Variants in ACACA observed in about 807,000 individuals in gnomAD.
The protein encoded by ACACA is acetyl-CoA carboxylase 1.
ACACA carries 103 observed loss-of-function variants against 296.1 expected under a neutral mutation model. The observed-to-expected ratio is 0.35, with a 90% confidence interval of 0.30 to 0.41. ACACA has a LOEUF of 0.41. ACACA is among the 10% of genes least tolerant of loss of function. ACACA has a pLI of 1.00. For synonymous variants in ACACA, 953 were observed against 1,038.6 expected (o/e 0.92, Z 1.58); for missense variants, 1,554 against 2,989.7 (o/e 0.52, Z 11.20).
intron 52 of ACACA, among the ~76,000 whole-genome samples, chr17:37,102,751 G>A (rs1272864284): frequency 2.0e-5 from 3 of 152,252 alleles, no homozygotes; most frequent in Admixed American, 1.3e-4. Flanking sequence ...CTTTGGCTTC[G>A]CCAAGTTGGA....
At chr17:37,245,278 A>G (rs2145991549) in intron 19 of ACACA, 64 bp from the exon 20 acceptor site, 1 of 1,579,004 alleles carries the variant, frequency 6.3e-7, no homozygotes, top group African/African-American at 1.3e-5. Flanking sequence ...GCTTAAAAGA[A>G]CTAAAATTTT....
intron 27 of ACACA, among the ~76,000 whole-genome samples, chr17:37,224,442 C>T (rs1481574950): frequency 6.6e-6 from 1 of 152,084 alleles, no homozygotes; most frequent in Non-Finnish European, 1.5e-5. Context: ...GAGAAGATAA[C>T]ATTTAAAAAA....
intron 50 of ACACA, among the ~76,000 whole-genome samples, chr17:37,118,081 G>A (rs1017971040): frequency 3.9e-5 from 6 of 152,134 alleles, no homozygotes; most frequent in African/African-American, 1.4e-4. Context: ...ACCCTGACCT[G>A]TATGTAAATA....
At chr17:37,119,640 AC>A (rs2074426865) in intron 50 of ACACA, among the ~76,000 whole-genome samples, 47 of 135,954 alleles carry the variant, frequency 3.5e-4, no homozygotes, top group African/African-American at 1.2e-3. Flanking sequence ...ACACACACAC[AC>A]AATCAACCTA....
chr17:37,132,570 A>G (rs965366866), intron 45 of ACACA, among the ~76,000 whole-genome samples: 4 of 152,192 alleles, frequency 2.6e-5, no homozygotes, highest in Non-Finnish European at 5.9e-5. Context: ...ATACAAAAGG[A>G]GACACTGTGC....
At chr17:37,090,576 G>A (rs780330034) in intron 54 of ACACA, among the ~76,000 whole-genome samples, 3 of 152,120 alleles carry the variant, frequency 2.0e-5, no homozygotes, top group Non-Finnish European at 4.4e-5. Context: ...CCTGGGTTAG[G>A]ACTCCCAGCA....
At chr17:37,378,896 T>C (rs918047492) in intron 1 of ACACA, among the ~76,000 whole-genome samples, 1 of 151,898 alleles carries the variant, frequency 6.6e-6, no homozygotes, top group African/African-American at 2.4e-5. Context: ...ACCCTGTCTT[T>C]TAAAAAATTA....
chr17:37,299,663 A>G (rs2083525080), intron 3 of ACACA: 1 of 1,088,730 alleles, frequency 9.2e-7, no homozygotes, highest in Non-Finnish European at 1.1e-6. Context: ...TTAACTAGAA[A>G]GTAGATCTTA....
At chr17:37,091,281 G>A (rs1041713445) in intron 54 of ACACA, among the ~76,000 whole-genome samples, 11 of 152,140 alleles carry the variant, frequency 7.2e-5, no homozygotes, top group Admixed American at 7.2e-4. Flanking sequence ...TTAGGGCAAC[G>A]CATTCCAAGT....
chr17:37,209,679 G>A (rs2078662116), intron 30 of ACACA, among the ~76,000 whole-genome samples: 1 of 152,154 alleles, frequency 6.6e-6, no homozygotes, highest in Non-Finnish European at 1.5e-5. Context: ...CAAAATAAAT[G>A]TAAATCTATA....
rs987022083 is a variant in ACACA at position 37,316,333 on chromosome 17, A to ACACACACACC, written c.338+13839_338+13840insGGTGTGTGTG. ...CACACACACACACACACACACACAC[A>ACACACACACC]CCCCTAACTTTGCTAGCCTTTTTTC... On this transcript the variant is annotated intron_variant, in intron 3 of 55. Coordinates refer to ENST00000616317, the MANE Select transcript of ACACA (RefSeq NM_198834.3). Among the ~76,000 whole-genome samples the ACACACACACC allele has an allele frequency of 1.6e-3, 237 of 149,658 alleles. 1 individual carries two copies. The highest frequency in any genetic ancestry group is 5.3e-3 in the African/African-American group (214 of 40,400).
At chr17:37,203,746 AAAAAC>A (rs199961336) in intron 33 of ACACA, among the ~76,000 whole-genome samples, 2 of 152,070 alleles carry the variant, frequency 1.3e-5, no homozygotes, top group South Asian at 2.1e-4. Flanking sequence ...TCCATCTCAA[AAAAAC>A]AAAACAAAAC....
intron 1 of ACACA, among the ~76,000 whole-genome samples, chr17:37,372,314 G>A (rs2049837015): frequency 6.6e-6 from 1 of 151,606 alleles, no homozygotes; most frequent in African/African-American, 2.4e-5. Context: ...TTGGGAGGCT[G>A]AGGCAGGAGA....
intron 35 of ACACA, among the ~76,000 whole-genome samples, chr17:37,196,118 T>C (rs750415029): frequency 3.9e-5 from 6 of 152,126 alleles, no homozygotes; most frequent in East Asian, 1.9e-4. Context: ...ATGATACTAA[T>C]AATCGTGTTA....
chr17:37,377,229 G>C (rs2050039590), intron 1 of ACACA, among the ~76,000 whole-genome samples: 2 of 152,130 alleles, frequency 1.3e-5, no homozygotes, highest in African/African-American at 4.8e-5. Flanking sequence ...TTAAGGAAAT[G>C]GGTTGGTTAG....
chr17:37,292,022 G>A (rs944060166), intron 3 of ACACA, among the ~76,000 whole-genome samples: 2 of 151,436 alleles, frequency 1.3e-5, no homozygotes, highest in Non-Finnish European at 2.9e-5. Flanking sequence ...TAGTATGAAT[G>A]TCATATATTC....
intron 1 of ACACA, chr17:37,359,182 C>T (rs938719345): frequency 1.2e-5 from 12 of 971,356 alleles, no homozygotes; most frequent in African/African-American, 5.3e-5. Context: ...CCCCTGTCTC[C>T]CACCTCAGCC....
chr17:37,376,307 C>A (rs1244446203), intron 1 of ACACA, among the ~76,000 whole-genome samples: 1 of 152,214 alleles, frequency 6.6e-6, no homozygotes, highest in Non-Finnish European at 1.5e-5. Flanking sequence ...AGAAGGACTG[C>A]AACTTATTCA....
intron 24 of ACACA, among the ~76,000 whole-genome samples, chr17:37,236,258 A>C (rs2080106371): frequency 6.6e-6 from 1 of 152,216 alleles, no homozygotes; most frequent in Non-Finnish European, 1.5e-5. Context: ...AATGGACTAC[A>C]ATATCGAGAG....
Sources: allele counts gnomAD v4.1 joint callset (sites outside exome capture counted in the v4.1 genomes callset), GRCh38; gene constraint gnomAD v4.1.1; transcripts MANE v1.5; gene names NCBI Gene and HGNC (gene_info 2026-07-23, HGNC 2026-07-21).